CHD1L: variants seen among roughly 807,000 people sequenced by gnomAD.
The protein encoded by CHD1L is ATP-dependent chromatin remodeler CHD1L.
CHD1L carries 118 observed loss-of-function variants against 115.9 expected under a neutral mutation model. That is an observed-to-expected ratio of 1.02 (90% CI 0.88 to 1.19). The LOEUF is 1.19. CHD1L is among the 50% of genes most tolerant of loss of function. CHD1L has a pLI of 0.00. For missense variants in CHD1L, 1,179 were observed against 1,065.3 expected (o/e 1.11, Z -1.49); for synonymous variants, 411 against 387.1 (o/e 1.06, Z -0.72).
At position 147,291,543 on chromosome 1, in the gene CHD1L, G is replaced by T. The variant is rs782383134; in HGVS notation, c.2382G>T (p.Gly794=). 1 of 1,613,492 alleles carries T rather than the reference G, an allele frequency of 6.2e-7. No individual in the cohort carries two copies. Among genetic ancestry groups the T allele is most frequent in the Non-Finnish European group, 8.5e-7 (1 of 1,179,524 alleles). ...ATGATAAAGAATCAAGAAACAAAGG[G>T]CAAGATTTGGTAAGTAAAACCCATC... ...PVDDKESRNK[G]QDLLALIVAQ... The change falls in exon 20 of 23, where the codon GGG becomes GGT. Residue 794 remains glycine (G), a synonymous_variant. Coordinates refer to ENST00000369258, the MANE Select transcript of CHD1L (RefSeq NM_004284.6).
Position 147,274,945 on chromosome 1 carries a change from CTT to C in CHD1L, c.1271-408_1271-407del, listed in dbSNP as rs587749790. ...TGCAAGCGACATTCGGCACTCTTCT[CTT>C]GACAGTGCGCACTGCAGACCTCTCA... On this transcript the variant is annotated intron_variant, in intron 12 of 22. Transcript: ENST00000369258. Among the ~76,000 whole-genome samples, 4 of 152,300 alleles carry C rather than the reference CTT, an allele frequency of 2.6e-5. No homozygotes were observed. The South Asian group carries it at 6.2e-4, about 24-fold the overall frequency.
At chr1:147,286,240 C>A in intron 17 of CHD1L, 58 bp from the exon 18 acceptor site, 1 of 1,544,218 alleles carries the variant, frequency 6.5e-7, no homozygotes, top group Non-Finnish European at 8.9e-7. Flanking sequence ...ATAAAATGTG[C>A]TCCAAGGGAA....
In CHD1L at chr1:147,252,621, A is replaced by G. The variant is rs1553937154; in HGVS notation, c.128-2A>G. ...CGGATTTGCTGTATTTTTTGTTTCT[A>G]GGGATTCACCTACGCTCTTACCAGC... On this transcript the variant is annotated splice_acceptor_variant, in intron 1 of 22. Transcript: ENST00000369258. LOFTEE classifies it high-confidence loss of function. 4 of 1,612,334 alleles carry G rather than the reference A, an allele frequency of 2.5e-6. No homozygotes were observed. Among genetic ancestry groups the G allele is most frequent in the African/African-American group, 1.3e-5 (1 of 74,930 alleles).
chr1:147,179,766 A>T, the CHD1L span: 1 of 618,948 alleles, frequency 1.6e-6, no homozygotes, highest in Non-Finnish European at 2.8e-6. Context: ...AATCCTGTTA[A>T]ATTTTCTCTA....
chr1:147,276,001 A>G (rs1678294407), intron 13 of CHD1L, 103 bp from the exon 14 acceptor site: 4 of 1,121,530 alleles, frequency 3.6e-6, no homozygotes, highest in Non-Finnish European at 5.2e-6. Context: ...TACCCTGAAT[A>G]TGGTATTTGG....
chr1:147,216,872 T>A, the CHD1L span, among the ~76,000 whole-genome samples: 1 of 152,234 alleles, frequency 6.6e-6, no homozygotes, highest in African/African-American at 2.4e-5. Flanking sequence ...CAAACTGAGA[T>A]GCACTGCATT....
At chr1:147,279,596 T>C (rs1680004651) in intron 14 of CHD1L, among the ~76,000 whole-genome samples, 2 of 152,102 alleles carry the variant, frequency 1.3e-5, no homozygotes. Flanking sequence ...GAGGTAAAGT[T>C]CCTAGTGTAG....
intron 12 of CHD1L, 183 bp downstream of exon 12, chr1:147,272,464 C>A (rs1473970592): frequency 1.0e-5 from 5 of 494,414 alleles, no homozygotes; most frequent in Middle Eastern, 4.1e-4. Flanking sequence ...AAACTGTCAT[C>A]TCAGCAAAGA....
At chr1:147,273,707 AAAG>A (rs1475838225) in intron 12 of CHD1L, among the ~76,000 whole-genome samples, 1 of 152,234 alleles carries the variant, frequency 6.6e-6, no homozygotes, top group Non-Finnish European at 1.5e-5. Flanking sequence ...AATTAGGAAA[AAAG>A]AGATCTCTGC....
chr1:147,286,624 T>A (rs1371081848), intron 18 of CHD1L, 124 bp downstream of exon 18: 2 of 826,578 alleles, frequency 2.4e-6, no homozygotes, highest in East Asian at 5.0e-5. Flanking sequence ...CAAAAAAGTG[T>A]GAATTTTAGA....
chr1:147,231,148 C>T, the CHD1L span, among the ~76,000 whole-genome samples: 2 of 152,048 alleles, frequency 1.3e-5, no homozygotes, highest in East Asian at 1.9e-4. Flanking sequence ...GCATTTAGTG[C>T]TATAAATTTC....
the CHD1L span, among the ~76,000 whole-genome samples, chr1:147,217,181 G>C: frequency 6.6e-6 from 1 of 151,924 alleles, no homozygotes; most frequent in African/African-American, 2.4e-5. Context: ...CGGAGGTTGC[G>C]GTGACAGAGA....
At chr1:147,271,045 AG>A in intron 11 of CHD1L, 40 bp downstream of exon 11, 1 of 1,485,956 alleles carries the variant, frequency 6.7e-7, no homozygotes, top group Non-Finnish European at 9.4e-7. Context: ...AGGCTCTGTT[AG>A]ACTTAACAGT....
At chr1:147,283,987 T>TA (rs1464681191) in intron 15 of CHD1L, among the ~76,000 whole-genome samples, 1 of 152,228 alleles carries the variant, frequency 6.6e-6, no homozygotes, top group Non-Finnish European at 1.5e-5. Context: ...GTGTTTGGAA[T>TA]AAAAAAGTAC....
the CHD1L span, among the ~76,000 whole-genome samples, chr1:147,199,429 G>A: frequency 1.3e-5 from 2 of 152,160 alleles, no homozygotes; most frequent in South Asian, 2.1e-4. Flanking sequence ...TTAGAAAAAA[G>A]CTGGAGGAAT....
chr1:147,217,626 C>T, the CHD1L span, among the ~76,000 whole-genome samples: 1 of 152,146 alleles, frequency 6.6e-6, no homozygotes, highest in Non-Finnish European at 1.5e-5. Flanking sequence ...ATTTCTCTGA[C>T]CTATAATCCA....
At chr1:147,242,030 ATTAG>A (rs1285101551), upstream of CHD1L, among the ~76,000 whole-genome samples, 4 of 152,192 alleles carry the variant, frequency 2.6e-5, no homozygotes, top group African/African-American at 9.7e-5. Flanking sequence ...TCATATTTAT[ATTAG>A]TGGTATACTA....
chr1:147,180,908 C>A, the CHD1L span, among the ~76,000 whole-genome samples: 1 of 152,120 alleles, frequency 6.6e-6, no homozygotes, highest in African/African-American at 2.4e-5. Flanking sequence ...GGAGTGGGGC[C>A]TGAGGACTTG....
At chr1:147,219,032 T>A in the CHD1L span, among the ~76,000 whole-genome samples, 1 of 152,194 alleles carries the variant, frequency 6.6e-6, no homozygotes, top group Admixed American at 6.5e-5. Flanking sequence ...ATATCCTTCT[T>A]TAAATCTCTA....
Sources: allele counts gnomAD v4.1 joint callset (sites outside exome capture counted in the v4.1 genomes callset), GRCh38; gene constraint gnomAD v4.1.1; transcripts MANE v1.5; gene names NCBI Gene and HGNC (gene_info 2026-07-23, HGNC 2026-07-21).